Variants in HELZ2 observed in about 807,000 individuals in gnomAD.
The protein encoded by HELZ2 is helicase with zinc finger 2, also known as 3'-5' exoribonuclease HELZ2.
In HELZ2, 143 loss-of-function variants were observed where a neutral mutation model predicts 208.8. The observed-to-expected ratio is 0.68, with a 90% CI of 0.60 to 0.79. HELZ2 has a LOEUF of 0.79. Ranked by LOEUF, HELZ2 falls within the 30% of genes least tolerant of loss-of-function variation. The probability of loss-of-function intolerance (pLI) is 0.00; values close to 1 mark genes in which losing one functional copy is unlikely to be tolerated. For synonymous variants in HELZ2, 1,705 were observed against 1,693.7 expected (o/e 1.01, Z -0.16); for missense variants, 3,690 against 3,794.5 (o/e 0.97, Z 0.72).
At chr20:63,565,207 C>T (rs1011729743) in exon 8 of HELZ2, 1 of 1,608,386 alleles carries the variant, frequency 6.2e-7, no homozygotes, top group African/African-American at 1.3e-5. Flanking sequence ...CCATGCGGCA[C>T]ACAAACGCCA....
chr20:63,565,782 C>CG lies in HELZ2; in HGVS notation c.3039_3040insC (p.Ala1014ArgfsTer42). ...GCAGCCTCCGTCTGCGCTGTGGTTG[C>CG]CGTGATGTCACGGGATGCTGGGCTC... On this transcript the variant is annotated frameshift_variant, in exon 8 of 19. Transcript: ENST00000467148. LOFTEE classifies it high-confidence loss of function. 1 of 1,600,378 alleles carries CG rather than the reference C, an allele frequency of 6.2e-7. No individual in the cohort carries two copies. Among genetic ancestry groups the CG allele is most frequent in the Non-Finnish European group, 8.5e-7 (1 of 1,179,764 alleles).
exon 12 of HELZ2, chr20:63,561,690 A>G: frequency 6.2e-7 from 1 of 1,612,386 alleles, no homozygotes; most frequent in Non-Finnish European, 8.5e-7. Flanking sequence ...CGCTGGCCTC[A>G]GCCTGCTCAC....
chr20:63,559,852 A>G (rs2082865397), intron 18 of HELZ2, 76 bp downstream of exon 19: 4 of 1,511,520 alleles, frequency 2.6e-6, no homozygotes, highest in Middle Eastern at 2.4e-4. Flanking sequence ...AGGGTCAGGC[A>G]GGAGTCGGCA....
Position 63,560,715 on chromosome 20 carries a change from C to A in HELZ2, c.7282-18G>T. On this transcript the variant is annotated intron_variant, in intron 15 of 18. Coordinates refer to ENST00000467148, the Ensembl canonical transcript of HELZ2. ...CCCTCATGCTGCAGGCAAGGATGTG[C>A]GCTGGTCAGAGGCTGCCACGCGGGG... The A allele has an allele frequency of 6.2e-7, 1 of 1,606,660 alleles. No homozygotes were observed. Among genetic ancestry groups the A allele is most frequent in the Non-Finnish European group, 8.5e-7 (1 of 1,178,956 alleles).
exon 1 of HELZ2, chr20:63,572,416 G>A (rs903230436): frequency 1.4e-6 from 2 of 1,474,392 alleles, no homozygotes; most frequent in African/African-American, 1.4e-5. Context: ...ACTGGCAGCG[G>A]GACTCCCCAC....
Position 63,563,148 on chromosome 20 carries a change from G to A in HELZ2, c.5674C>T (p.Gln1892Ter), listed in dbSNP as rs774648027. ...GGGCTCGGTACCAGGAAGCCGTGCT[G>A]CAGGCTGGTGCCGAGCTGCACCTGC... The change falls in exon 8 of 19, where the codon CAG (glutamine) becomes TAG (stop). Residue 1892 changes from glutamine (Q) to a stop codon, truncating the protein, a stop_gained. Transcript: ENST00000467148. LOFTEE classifies it high-confidence loss of function. 27 of 1,593,056 alleles carry A rather than the reference G, an allele frequency of 1.7e-5. No individual in the cohort carries two copies. The highest frequency in any genetic ancestry group is 2.7e-5 in the African/African-American group (2 of 74,702).
upstream of HELZ2, chr20:63,572,564 C>A: frequency 1.6e-6 from 1 of 644,868 alleles, no homozygotes; most frequent in Non-Finnish European, 2.6e-6. Flanking sequence ...GGGGCAGGCT[C>A]CGTGCTCAGG....
At chr20:63,572,684 G>A (rs1249661509), upstream of HELZ2, 23 of 384,720 alleles carry the variant, frequency 6.0e-5, no homozygotes, top group South Asian at 1.2e-4. Flanking sequence ...GGCGTCGGCC[G>A]CCCGGCCTGC....
intron 5 of HELZ2, 162 bp from the exon 7 acceptor site, chr20:63,567,789 G>A (rs1200956657): frequency 1.3e-5 from 18 of 1,436,092 alleles, no homozygotes; most frequent in Non-Finnish European, 1.6e-5. Flanking sequence ...AGGAGTCCAA[G>A]GGGCAAGAGG....
Position 63,569,562 on chromosome 20 carries a change from C to A in HELZ2, c.674G>T (p.Arg225Leu). ...GGCAGTGGAGCTGGGCACACGGAAG[C>A]GCTCACCCCGTGCGTAGAGCCGGCC... Residue 225 changes from arginine (R) to leucine (L), a missense_variant, in exon 4 of 19, where the codon CGC becomes CTC. By Grantham distance (102) the Arg-to-Leu change is moderately radical (BLOSUM62 -2). This residue lies in a region of HELZ2 where 1,119 missense variants were observed against 1,193.4 expected (regional missense o/e 0.94). Transcript: ENST00000467148. 1.9e-6 allele frequency: 3 copies of A among 1,599,358 alleles called. No individual in the cohort carries two copies. The highest frequency in any genetic ancestry group is 1.7e-6 in the Non-Finnish European group (2 of 1,173,934).
exon 8 of HELZ2, chr20:63,564,633 A>G: frequency 3.2e-6 from 5 of 1,567,172 alleles, no homozygotes; most frequent in Non-Finnish European, 4.3e-6. Context: ...CCGGGGGCAT[A>G]GAACGCAGCG....
intron 3 of HELZ2, 36 bp from the exon 5 acceptor site, chr20:63,569,701 G>T: frequency 6.8e-7 from 1 of 1,479,920 alleles, no homozygotes; most frequent in Non-Finnish European, 8.9e-7. Flanking sequence ...GGGGCCCAGG[G>T]CTCCCCCCAA....
upstream of HELZ2, among the ~76,000 whole-genome samples, chr20:63,573,719 G>A (rs1391719450): frequency 6.6e-6 from 1 of 152,176 alleles, no homozygotes; most frequent in Non-Finnish European, 1.5e-5. This position sits in a 1 kb window ranked among gnomAD's most constrained non-coding sequence, Gnocchi z 4.9. Flanking sequence ...GGGGCCTCAC[G>A]GAGAGGAGGG....
chr20:63,570,735 G>GGTAGGGCACCAGCCC, exon 2 of HELZ2: 1 of 1,595,158 alleles, frequency 6.3e-7, no homozygotes, highest in Non-Finnish European at 8.5e-7. Flanking sequence ...AGCCGCTCCT[G>GGTAGGGCACCAGCCC]GTAGGGCACC....
chr20:63,563,249 T>G, exon 8 of HELZ2: 1 of 1,551,806 alleles, frequency 6.4e-7, no homozygotes, highest in Non-Finnish European at 8.7e-7. Flanking sequence ...CTGCACCAGC[T>G]CCCGCCGCTG....
At chr20:63,561,825 G>A (rs1412060869) in exon 11 of HELZ2, 2 of 1,562,642 alleles carry the variant, frequency 1.3e-6, no homozygotes, top group Non-Finnish European at 1.7e-6. Flanking sequence ...CGGCGCACCT[G>A]CCAGGACATC....
At chr20:63,572,596 G>C (rs555774379), upstream of HELZ2, 10 of 558,202 alleles carry the variant, frequency 1.8e-5, no homozygotes, top group Non-Finnish European at 3.1e-5. Context: ...GGGGGTCCAC[G>C]CGACAGATGC....
chr20:63,570,188 G>A (rs775712451), intron 3 of HELZ2: 16 of 479,612 alleles, frequency 3.3e-5, no homozygotes, highest in South Asian at 1.2e-4. Flanking sequence ...TCGAACTCCC[G>A]ACCTCAGGTG....
In HELZ2 at chr20:63,569,406, G is replaced by A. The variant is rs757481372; in HGVS notation, c.830C>T (p.Pro277Leu). 6.2e-5 allele frequency: 99 copies of A among 1,609,412 alleles called. No individual in the cohort carries two copies. The highest frequency in any genetic ancestry group is 7.8e-5 in the Non-Finnish European group (92 of 1,177,796). The change falls in exon 4 of 19, where the codon CCA (proline) becomes CTA (leucine). Residue 277 changes from proline (P) to leucine (L), a missense_variant. By Grantham distance (98) the Pro-to-Leu change is moderately conservative (BLOSUM62 -3). Around this residue, in one of 3 missense-constraint regions of HELZ2, gnomAD observed 1,119 missense variants for 1,193.4 expected, o/e 0.94. Transcript: ENST00000467148. ...GAGCGCCAGATTCCTGCAGGGTCCT[G>A]GGCGACGCCCCTGGCCCAGCTGCAG... is the stretch of plus-strand genomic sequence containing the variant.
Sources: allele counts gnomAD v4.1 joint callset (sites outside exome capture counted in the v4.1 genomes callset), GRCh38; gene constraint gnomAD v4.1.1; regional missense constraint gnomAD v4.1.1; non-coding constraint Gnocchi (gnomAD v3.1); transcripts MANE v1.5; gene names NCBI Gene and HGNC (gene_info 2026-07-23, HGNC 2026-07-21).